The following ARHGAP18 variants were observed in gnomAD, a reference collection of about 807,000 sequenced individuals.
ARHGAP18 encodes rho GTPase-activating protein 18.
In ARHGAP18, 67 loss-of-function variants were observed where a neutral mutation model predicts 86.2. The ratio of observed to expected loss-of-function variants is 0.78; its 90% CI spans 0.64 to 0.95. ARHGAP18 has a LOEUF of 0.95. Among genes scored for constraint, ARHGAP18 ranks in the 40% least tolerant of loss-of-function variants. The pLI, the probability that ARHGAP18 is intolerant of heterozygous loss-of-function variation, is 0.00. For missense variants in ARHGAP18, 691 were observed against 780.4 expected, an observed-to-expected ratio of 0.89 and a Z score of 1.37; for synonymous variants, 283 against 280.4, an observed-to-expected ratio of 1.01 and a Z score of -0.09.
chr6:129,618,593 G>A, intron 6 of ARHGAP18, 94 bp downstream of exon 6: 1 of 1,188,078 alleles, frequency 8.4e-7, no homozygotes, highest in Middle Eastern at 2.4e-4. Flanking sequence ...TATTTTGCAG[G>A]TGTTTTCCCT....
rs140463101 is a variant in ARHGAP18 at position 129,681,355 on chromosome 6, C to T, written c.113+28669G>A. On this transcript the variant is annotated intron_variant, in intron 1 of 14. Coordinates refer to ENST00000368149, the MANE Select transcript of ARHGAP18 (RefSeq NM_033515.3). Reference sequence around the variant, plus strand: ...CCTCCCAAAGTGCTGGGATTACAGGCGTGAGCCACCGCGCCCAGCTAGAAG... The same window carrying T: ...CCTCCCAAAGTGCTGGGATTACAGGTGTGAGCCACCGCGCCCAGCTAGAAG... 3.6e-3 allele frequency among the ~76,000 whole-genome samples: 547 copies of T among 152,282 alleles called. 5 individuals carry two copies. The highest frequency in any genetic ancestry group is 0.012 in the African/African-American group (511 of 41,564).
At chr6:129,693,458 A>G (rs1345083865) in intron 1 of ARHGAP18, among the ~76,000 whole-genome samples, 1 of 152,186 alleles carries the variant, frequency 6.6e-6, no homozygotes, top group Non-Finnish European at 1.5e-5. Flanking sequence ...GGGAGAGAAG[A>G]AGGCCCCAGC....
chr6:129,609,837 A>G (rs1788941681), intron 8 of ARHGAP18, among the ~76,000 whole-genome samples: 1 of 152,104 alleles, frequency 6.6e-6, no homozygotes, highest in South Asian at 2.1e-4. Context: ...CTATGTAGTA[A>G]GAGCCAAGGA....
intron 1 of ARHGAP18, among the ~76,000 whole-genome samples, chr6:129,651,383 G>GT (rs1051384245): frequency 6.6e-6 from 1 of 152,048 alleles, no homozygotes; most frequent in African/African-American, 2.4e-5. Context: ...TCGGCTCAGA[G>GT]TTTTTTTAAG....
chr6:129,636,729 T>C (rs1773339436), intron 3 of ARHGAP18, among the ~76,000 whole-genome samples: 2 of 152,120 alleles, frequency 1.3e-5, no homozygotes, highest in Admixed American at 1.3e-4. Flanking sequence ...GTACAAAAAA[T>C]TAGCTGGGCA....
chr6:129,607,078 T>C (rs1342617900), intron 9 of ARHGAP18, among the ~76,000 whole-genome samples: 1 of 152,054 alleles, frequency 6.6e-6, no homozygotes, highest in Non-Finnish European at 1.5e-5. Flanking sequence ...CAGGTTGGTC[T>C]TGAACTCCTG....
At chr6:129,581,176 C>G (rs1267186154) in intron 13 of ARHGAP18, among the ~76,000 whole-genome samples, 2 of 152,308 alleles carry the variant, frequency 1.3e-5, no homozygotes, top group South Asian at 2.1e-4. Context: ...AAAATCAGGT[C>G]TGACTTGTAT....
intron 1 of ARHGAP18, among the ~76,000 whole-genome samples, chr6:129,666,503 CAAACCACCTTT>C (rs1433912457): frequency 6.6e-6 from 1 of 152,192 alleles, no homozygotes; most frequent in Non-Finnish European, 1.5e-5. Flanking sequence ...GTATCCTCAT[CAAACCACCTTT>C]GGAGCACCTA....
chr6:129,584,977 A>G (rs1037421923), intron 12 of ARHGAP18, among the ~76,000 whole-genome samples: 2 of 152,076 alleles, frequency 1.3e-5, no homozygotes, highest in African/African-American at 2.4e-5. Context: ...TAAATAAGAA[A>G]TAAGTCCTTT....
chr6:129,650,757 T>C (rs1773693571), intron 1 of ARHGAP18, among the ~76,000 whole-genome samples: 2 of 152,320 alleles, frequency 1.3e-5, no homozygotes, highest in East Asian at 3.9e-4. Context: ...CTCTATCTTT[T>C]TCTTGTTCTG....
chr6:129,611,984 T>C (rs1224362874), intron 7 of ARHGAP18, among the ~76,000 whole-genome samples: 2 of 152,250 alleles, frequency 1.3e-5, no homozygotes, highest in Non-Finnish European at 2.9e-5. Context: ...ATCTAGCATT[T>C]GCATATTTAC....
intron 12 of ARHGAP18, among the ~76,000 whole-genome samples, chr6:129,584,682 A>G (rs557342438): frequency 2.0e-5 from 3 of 152,306 alleles, no homozygotes; most frequent in East Asian, 1.9e-4. Flanking sequence ...TGTGAAAAAC[A>G]TTTTATGGAT....
At chr6:129,612,089 C>T (rs1392126756) in intron 7 of ARHGAP18, among the ~76,000 whole-genome samples, 1 of 152,130 alleles carries the variant, frequency 6.6e-6, no homozygotes, top group Non-Finnish European at 1.5e-5. Flanking sequence ...TGGTGTTAAA[C>T]AAAGAAAAAT....
intron 12 of ARHGAP18, among the ~76,000 whole-genome samples, chr6:129,587,955 T>C (rs2114433120): frequency 6.6e-6 from 1 of 152,298 alleles, no homozygotes; most frequent in Admixed American, 6.5e-5. Flanking sequence ...GGCAAGTCTC[T>C]TCCACCTATG....
At chr6:129,691,797 G>A (rs919108929) in intron 1 of ARHGAP18, among the ~76,000 whole-genome samples, 3 of 152,120 alleles carry the variant, frequency 2.0e-5, no homozygotes, top group African/African-American at 7.2e-5. Context: ...GTTCCCAAAA[G>A]GCTTCTGAGG....
At chr6:129,598,196 T>C (rs989731171) in intron 12 of ARHGAP18, among the ~76,000 whole-genome samples, 6 of 152,078 alleles carry the variant, frequency 3.9e-5, no homozygotes, top group African/African-American at 1.4e-4. Flanking sequence ...TTTAGGATAA[T>C]ATCAAGGCCT....
At chr6:129,699,486 G>C (rs1381176964) in intron 1 of ARHGAP18, among the ~76,000 whole-genome samples, 3 of 152,194 alleles carry the variant, frequency 2.0e-5, no homozygotes. Context: ...TTTTATTTGG[G>C]TTGGAAAAGT....
At chr6:129,616,122 T>C in intron 7 of ARHGAP18, 90 bp downstream of exon 7, 1 of 1,044,094 alleles carries the variant, frequency 9.6e-7, no homozygotes. Flanking sequence ...AGTATATGAA[T>C]TGGAAAACTG....
At chr6:129,642,877 C>T (rs938785008) in intron 1 of ARHGAP18, among the ~76,000 whole-genome samples, 6 of 151,826 alleles carry the variant, frequency 4.0e-5, no homozygotes, top group African/African-American at 1.5e-4. Flanking sequence ...ATAAATGGAC[C>T]CATGATTTAT....
Sources: gnomAD v4.1 joint callset for allele counts (sites outside exome capture counted in the v4.1 genomes callset) on GRCh38, gnomAD v4.1.1 for gene constraint, MANE v1.5 for transcripts, NCBI Gene and HGNC (gene_info 2026-07-23, HGNC 2026-07-21) for gene names.